GRB10: variants seen among roughly 807,000 people sequenced by gnomAD.
The protein encoded by GRB10 is growth factor receptor bound protein 10.
In GRB10, 20 loss-of-function variants were observed where a neutral mutation model predicts 80.9. The ratio of observed to expected loss-of-function variants is 0.25; its 90% confidence interval spans 0.17 to 0.36. The LOEUF is 0.36. Ranked by LOEUF, GRB10 falls within the 10% of genes least tolerant of loss-of-function variation. The pLI, the probability that GRB10 is intolerant of heterozygous loss-of-function variation, is 1.00. For missense variants in GRB10, 548 were observed against 747.7 expected, an observed-to-expected ratio of 0.73 and a Z score of 3.12; for synonymous variants, 291 against 291.5, an observed-to-expected ratio of 1.00 and a Z score of 0.02.
chr7:50,778,488 T>G (rs1399219057), intron 2 of GRB10, among the ~76,000 whole-genome samples: 1 of 152,188 alleles, frequency 6.6e-6, no homozygotes, highest in Admixed American at 6.5e-5. Flanking sequence ...GGAAGAACTT[T>G]GGTGGTAGAA....
intron 2 of GRB10, among the ~76,000 whole-genome samples, chr7:50,769,704 A>T (rs368282020): frequency 1.3e-5 from 2 of 152,192 alleles, no homozygotes; most frequent in East Asian, 3.9e-4. Context: ...GTGTGTACTC[A>T]AAGACTGTCA....
chr7:50,628,034 C>A (rs758148391), intron 7 of GRB10, among the ~76,000 whole-genome samples: 1 of 152,186 alleles, frequency 6.6e-6, no homozygotes, highest in Non-Finnish European at 1.5e-5. Flanking sequence ...CACTCCCATA[C>A]GACAAGACCC....
chr7:50,714,580 G>A (rs758591367), intron 4 of GRB10, among the ~76,000 whole-genome samples: 4 of 152,032 alleles, frequency 2.6e-5, no homozygotes, highest in Admixed American at 1.3e-4. Context: ...GGGGAATGGC[G>A]TGAACCCAGG....
intron 17 of GRB10, among the ~76,000 whole-genome samples, chr7:50,601,950 T>G (rs1167271908): frequency 3.3e-5 from 5 of 152,084 alleles, no homozygotes; most frequent in Admixed American, 3.3e-4. Flanking sequence ...GGAAGCAACT[T>G]GAAGGAACCA....
intron 4 of GRB10, among the ~76,000 whole-genome samples, chr7:50,721,018 T>A (rs181587179): frequency 3.3e-5 from 5 of 152,224 alleles, no homozygotes; most frequent in Admixed American, 6.5e-5. Context: ...AGAAACGCCC[T>A]GCTTCATTGA....
rs115462855 is a variant in GRB10 at position 50,765,057 on chromosome 7, G to T, written c.-216-9001C>A. On this transcript the variant is annotated intron_variant, in intron 2 of 18. Transcript: ENST00000401949. The stretch of plus-strand genomic sequence containing the variant: ...AAAGAAGACATACAAAGAGCCAACA[G>T]GTGTATCCAAAAAATGCTCAACACC... Among the ~76,000 whole-genome samples the T allele has an allele frequency of 9.7e-3, 1,481 of 152,240 alleles. 29 individuals carry two copies. The highest frequency in any genetic ancestry group is 0.032 in the African/African-American group (1,343 of 41,528).
chr7:50,732,384 A>C lies in GRB10; in HGVS notation c.-46-16T>G. The C allele has an allele frequency of 6.8e-7, 1 of 1,465,434 alleles. No individual in the cohort carries two copies. The highest frequency in any genetic ancestry group is 2.3e-5 in the East Asian group (1 of 44,220). The allele number at this position is 1,465,434 out of a possible 1,614,324, so 90.8% of individuals were successfully genotyped here. On this transcript the variant is annotated splice_polypyrimidine_tract_variant and intron_variant, in intron 3 of 18. Coordinates refer to ENST00000401949, the MANE Select transcript of GRB10 (RefSeq NM_001350814.2). Reference sequence around the variant, plus strand: ...GCTGCAGCACCTGGAATAAAGACAGACTGTGAGAAGCCAAGCCAGAAAAAA... The same window carrying C: ...GCTGCAGCACCTGGAATAAAGACAGCCTGTGAGAAGCCAAGCCAGAAAAAA...
Position 50,674,457 on chromosome 7 carries a change from G to T in GRB10, c.341C>A (p.Pro114His). ...SPRQRVQRSQPVHILAVRRLQ... is the reference protein window; with the variant it reads ...SPRQRVQRSQHVHILAVRRLQ... ...CTACCTGACAGCGAGGATGTGCACA[G>T]GCTGGGAGCGCTGCACCCTCTGCCT... is the stretch of plus-strand genomic sequence containing the variant. Residue 114 changes from proline (P) to histidine (H), a missense_variant, in exon 6 of 19, where the codon CCT (proline) becomes CAT (histidine). Physicochemically the swap from Pro to His is moderately conservative, Grantham distance 77 (BLOSUM62 -2). Transcript: ENST00000401949. 6.2e-7 allele frequency: 1 copy of T among 1,606,052 alleles called. No homozygotes were observed.
intron 6 of GRB10, among the ~76,000 whole-genome samples, chr7:50,671,361 G>T (rs191726991): frequency 1.4e-3 from 212 of 152,244 alleles, no homozygotes; most frequent in Non-Finnish European, 2.9e-4. Context: ...CAGGAGATTT[G>T]CCACTACAGA....
intron 7 of GRB10, among the ~76,000 whole-genome samples, chr7:50,640,007 T>C (rs1229592793): frequency 6.6e-6 from 1 of 152,206 alleles, no homozygotes; most frequent in Non-Finnish European, 1.5e-5. Flanking sequence ...TAAGAAAGTA[T>C]GGCATGAAAG....
chr7:50,779,745 T>C (rs1347818647), intron 2 of GRB10: 4 of 152,268 alleles, frequency 2.6e-5, no homozygotes, highest in South Asian at 2.1e-4. Context: ...CAGGACTACC[T>C]TGACAACACT....
At chr7:50,659,709 A>G (rs553094051) in intron 7 of GRB10, among the ~76,000 whole-genome samples, 1 of 152,312 alleles carries the variant, frequency 6.6e-6, no homozygotes, top group African/African-American at 2.4e-5. Flanking sequence ...CCCCTCACCT[A>G]GAGGAGCATA....
In GRB10 at chr7:50,732,350, A is replaced by G; in HGVS notation, c.-28T>C. The G allele has an allele frequency of 3.7e-6, 6 of 1,606,292 alleles. No homozygotes were observed. Among genetic ancestry groups the G allele is most frequent in the Non-Finnish European group, 5.1e-6 (6 of 1,173,180 alleles). Reference sequence around the variant, plus strand: ...GTTCCTTCTGCCTTCTTCAAATTACATTTACTGCGCTGCAGCACCTGGAAT... The same window carrying G: ...GTTCCTTCTGCCTTCTTCAAATTACGTTTACTGCGCTGCAGCACCTGGAAT... On this transcript the variant is annotated 5_prime_UTR_variant, in exon 4 of 19. An upstream start codon of the reference 5' UTR is lost. Coordinates refer to ENST00000401949, the MANE Select transcript of GRB10 (RefSeq NM_001350814.2).
intron 5 of GRB10, among the ~76,000 whole-genome samples, chr7:50,692,967 C>T (rs887171342): frequency 6.6e-6 from 1 of 152,144 alleles, no homozygotes; most frequent in African/African-American, 2.4e-5. Flanking sequence ...CCATCTGTAG[C>T]TCTGATGAGG....
In GRB10 at chr7:50,770,360, AACAACAGAC is replaced by A. The variant is rs1331910903; in HGVS notation, c.-217+10258_-217+10266del. On this transcript the variant is annotated intron_variant, in intron 2 of 18. Coordinates refer to ENST00000401949, the MANE Select transcript of GRB10 (RefSeq NM_001350814.2). ...CCTAAGCTGCTGAGTTTCTGATTCA[AACAACAGAC>A]ACAAGAGAACAAGCAGAGGAACTGG... 5.9e-5 allele frequency among the ~76,000 whole-genome samples: 9 copies of A among 152,342 alleles called. No individual in the cohort carries two copies. The East Asian group carries it at 1.7e-3, about 29-fold the overall frequency.
chr7:50,730,203 A>C (rs1235955511), intron 4 of GRB10, among the ~76,000 whole-genome samples: 1 of 152,050 alleles, frequency 6.6e-6, no homozygotes, highest in African/African-American at 2.4e-5. Flanking sequence ...CCCCTCCCCA[A>C]CTGCTGCCCT....
intron 13 of GRB10, among the ~76,000 whole-genome samples, chr7:50,607,324 T>C (rs1348750429): frequency 6.6e-6 from 1 of 152,172 alleles, no homozygotes; most frequent in Non-Finnish European, 1.5e-5. Context: ...TTTGATAAAT[T>C]TTAACTTTAT....
intron 3 of GRB10, among the ~76,000 whole-genome samples, chr7:50,744,515 C>G (rs536680772): frequency 2.0e-5 from 3 of 152,168 alleles, no homozygotes; most frequent in Non-Finnish European, 4.4e-5. Flanking sequence ...GAAGCTTTAT[C>G]AATAACAGAA....
chr7:50,747,057 T>C (rs4947835), intron 3 of GRB10, among the ~76,000 whole-genome samples: 138,184 of 152,228 alleles, frequency 0.91, 62,869 homozygotes, highest in African/African-American at 0.96. Flanking sequence ...CGCTGCCTCC[T>C]ACCCCTCAAA....
Sources: gnomAD v4.1 joint callset for allele counts (sites outside exome capture counted in the v4.1 genomes callset) on GRCh38, gnomAD v4.1.1 for gene constraint, MANE v1.5 for transcripts, NCBI Gene and HGNC (gene_info 2026-07-23, HGNC 2026-07-21) for gene names.